FILIP1: variants seen among roughly 807,000 people sequenced by gnomAD.
FILIP1 encodes filamin A interacting protein 1, also known as filamin-A-interacting protein 1.
Under a neutral mutation model 102.1 loss-of-function variants are expected in FILIP1, and 61 were observed. The observed-to-expected ratio is 0.60, with a 90% CI of 0.49 to 0.74. The LOEUF is 0.74. FILIP1 is among the 30% of genes least tolerant of loss of function. The pLI, the probability that FILIP1 is intolerant of heterozygous loss-of-function variation, is 0.00. For synonymous variants in FILIP1, 491 were observed against 526.9 expected (o/e 0.93, Z 0.93); for missense variants, 1,314 against 1,441.2 (o/e 0.91, Z 1.43).
chr6:75,442,050 G>C (rs1398923257), intron 1 of FILIP1, among the ~76,000 whole-genome samples: 2 of 151,556 alleles, frequency 1.3e-5, no homozygotes, highest in African/African-American at 4.8e-5. Context: ...GGCGGCTGCC[G>C]GGTGGAGGGG....
intron 3 of FILIP1, among the ~76,000 whole-genome samples, chr6:75,355,202 G>C (rs1482994672): frequency 6.6e-6 from 1 of 151,904 alleles, no homozygotes; most frequent in Non-Finnish European, 1.5e-5. Flanking sequence ...GGCCGAGGCA[G>C]AAAAATCGCT....
At chr6:75,296,475 T>TTTATTATTATTATTA (rs71002730) in intron 6 of FILIP1, 128 of 140,390 alleles carry the variant, frequency 9.1e-4, no homozygotes, top group African/African-American at 1.5e-3. Flanking sequence ...ACTCTATATG[T>TTTATTATTATTATTA]TTATTATTAT....
downstream of FILIP1, chr6:75,308,063 C>G (rs1352519109): frequency 2.0e-6 from 2 of 985,746 alleles, no homozygotes; most frequent in Middle Eastern, 5.2e-4. Context: ...CAGACACACA[C>G]AAATAAGTAA....
At chr6:75,319,703 GC>G in intron 4 of FILIP1, 1 of 334,760 alleles carries the variant, frequency 3.0e-6, no homozygotes, top group Non-Finnish European at 5.7e-6. Flanking sequence ...AGCGGCGGGC[GC>G]CTGTAGTCCC....
chr6:75,419,024 A>G (rs1777363797), intron 1 of FILIP1, among the ~76,000 whole-genome samples: 1 of 151,526 alleles, frequency 6.6e-6, no homozygotes, highest in Non-Finnish European at 1.5e-5. Context: ...TTAATTGGAC[A>G]ATGCCAGAGC....
chr6:75,300,536 A>T (rs1772811257), intron 6 of FILIP1, among the ~76,000 whole-genome samples: 1 of 152,238 alleles, frequency 6.6e-6, no homozygotes, highest in Non-Finnish European at 1.5e-5. Context: ...GATATGATTT[A>T]CTTTCAAGTT....
At chr6:75,346,202 A>T (rs1355924117) in intron 4 of FILIP1, among the ~76,000 whole-genome samples, 2 of 152,212 alleles carry the variant, frequency 1.3e-5, no homozygotes, top group Admixed American at 1.3e-4. Flanking sequence ...TAAATTTTTT[A>T]AAAGAAAGGA....
rs747756770 is a variant in FILIP1 at position 75,314,377 on chromosome 6, ACTTT to A, written c.1451_1454del (p.Glu484ValfsTer8). ...GGCTTAATTCAGCCTTTTCCAATCT[ACTTT>A]CAGAACATTCCAATTCTTTAACTCG... On this transcript the variant is annotated frameshift_variant, in exon 5 of 6. Transcript: ENST00000237172. LOFTEE classifies it high-confidence loss of function. The A allele has an allele frequency of 2.0e-5, 30 of 1,524,234 alleles. No individual in the cohort carries two copies. The highest frequency in any genetic ancestry group is 2.8e-5 in the African/African-American group (2 of 71,528). 94.4% of individuals were successfully genotyped at this position (1,524,234 alleles called of 1,614,324 possible).
chr6:75,313,878 C>A lies in FILIP1; in HGVS notation c.1954G>T (p.Asp652Tyr). Residue 652 changes from aspartate to tyrosine, a missense_variant, in exon 5 of 6, where the codon GAT becomes TAT. Asp to Tyr is a radical substitution (Grantham distance 160, BLOSUM62 -3). This residue lies in a region of FILIP1 where 816 missense variants were observed against 913.1 expected (regional missense o/e 0.89). Transcript: ENST00000237172. The surrounding 1 kb of genome is among the most constrained non-coding windows in gnomAD (Gnocchi z 4.2). ...RLQQLEVVEG[D>Y]LMKTEDEYDQ... ...TACTCATCTTCTGTCTTCATCAAAT[C>A]CCCTTCGACCACTTCCAATTGTTGG... 1.2e-6 allele frequency: 2 copies of A among 1,614,106 alleles called. No homozygotes were observed. Among genetic ancestry groups the A allele is most frequent in the South Asian group, 2.2e-5 (2 of 91,072 alleles).
chr6:75,308,131 T>C lies in FILIP1; in HGVS notation c.*560A>G, dbSNP rs756233136. On this transcript the variant is annotated 3_prime_UTR_variant, in exon 6 of 6. Transcript: ENST00000237172. ...CATTTTATTACATGTTCACATTATT[T>C]CCTGAAATCATCTTAGAACCTTTTG... 6.1e-6 allele frequency: 6 copies of C among 985,988 alleles called. No homozygotes were observed. In the East Asian group the frequency reaches 6.8e-4, roughly 112 times the overall value. The allele number at this position is 985,988 out of a possible 1,614,324, so 61.1% of individuals were successfully genotyped here.
intron 2 of FILIP1, among the ~76,000 whole-genome samples, chr6:75,390,632 G>T (rs1776253710): frequency 1.3e-5 from 2 of 152,108 alleles, no homozygotes; most frequent in Admixed American, 1.3e-4. Flanking sequence ...CAGTACCAAG[G>T]GGAGTGGTGC....
intron 1 of FILIP1, among the ~76,000 whole-genome samples, chr6:75,442,426 G>A (rs1241164009): frequency 6.6e-6 from 1 of 152,016 alleles, no homozygotes; most frequent in Non-Finnish European, 1.5e-5. Context: ...AGGTTGTAGC[G>A]AGCCAAGATC....
chr6:75,362,188 T>C (rs979475406), intron 3 of FILIP1, among the ~76,000 whole-genome samples: 2 of 152,226 alleles, frequency 1.3e-5, no homozygotes, highest in African/African-American at 4.8e-5. Flanking sequence ...GTATTATGAG[T>C]AATCGATAAT....
At chr6:75,429,877 A>G (rs1483719031) in intron 1 of FILIP1, among the ~76,000 whole-genome samples, 1 of 152,204 alleles carries the variant, frequency 6.6e-6, no homozygotes, top group Non-Finnish European at 1.5e-5. Context: ...GTGTCCCATG[A>G]TACTGCATAA....
At chr6:75,422,882 A>G (rs1777513489) in intron 1 of FILIP1, among the ~76,000 whole-genome samples, 1 of 152,198 alleles carries the variant, frequency 6.6e-6, no homozygotes. Flanking sequence ...TTTTATATTT[A>G]TTTTGGACTA....
chr6:75,401,968 G>T, intron 2 of FILIP1, among the ~76,000 whole-genome samples: 1 of 152,148 alleles, frequency 6.6e-6, no homozygotes, highest in East Asian at 1.9e-4. Context: ...CATTTTCACT[G>T]AGGAAAATGT....
chr6:75,379,018 A>G (rs1775823753), intron 2 of FILIP1, among the ~76,000 whole-genome samples: 1 of 152,242 alleles, frequency 6.6e-6, no homozygotes, highest in Non-Finnish European at 1.5e-5. Flanking sequence ...TTACCTATAC[A>G]TAATACCTGA....
At chr6:75,366,819 T>C (rs2951946) in intron 2 of FILIP1, among the ~76,000 whole-genome samples, 112,253 of 152,148 alleles carry the variant, frequency 0.74, 41,921 homozygotes, top group African/African-American at 0.86. Flanking sequence ...ACAATCTACT[T>C]TTAGGAATAT....
chr6:75,302,823 C>CATGATATGAT (rs61429237), intron 6 of FILIP1, among the ~76,000 whole-genome samples: 15,519 of 149,096 alleles, frequency 0.1, 849 homozygotes, highest in East Asian at 0.18. Flanking sequence ...TATGATATGA[C>CATGATATGAT]ATGATATGAT....
Sources: allele counts gnomAD v4.1 joint callset (sites outside exome capture counted in the v4.1 genomes callset), GRCh38; gene constraint gnomAD v4.1.1; regional missense constraint gnomAD v4.1.1; non-coding constraint Gnocchi (gnomAD v3.1); transcripts MANE v1.5; gene names NCBI Gene and HGNC (gene_info 2026-07-23, HGNC 2026-07-21).